Variants in RXRA observed in about 807,000 individuals in gnomAD.
The protein encoded by RXRA is retinoid X receptor alpha.
In RXRA, 5 loss-of-function variants were observed where a neutral mutation model predicts 44.5. The ratio of observed to expected loss-of-function variants is 0.11; its 90% CI spans 0.06 to 0.24. RXRA has a LOEUF of 0.24. Among genes scored for constraint, RXRA ranks in the 10% least tolerant of loss-of-function variants. The pLI is 1.00. For missense variants in RXRA, 412 were observed against 646.5 expected (o/e 0.64, Z 3.93); for synonymous variants, 291 against 271.4 (o/e 1.07, Z -0.71).
chr9:134,435,347 G>T (rs1831601151), intron 9 of RXRA, among the ~76,000 whole-genome samples: 1 of 152,062 alleles, frequency 6.6e-6, no homozygotes, highest in Non-Finnish European at 1.5e-5. Context: ...CTCATGCCTG[G>T]CCCTGCTATC....
At chr9:134,339,108 C>A (rs1176571574) in intron 1 of RXRA, among the ~76,000 whole-genome samples, 2 of 135,544 alleles carry the variant, frequency 1.5e-5, no homozygotes, top group Non-Finnish European at 3.2e-5. Flanking sequence ...GTGGTCACCC[C>A]CCCTGGGGTT....
chr9:134,406,394 GA>G (rs761124899), intron 2 of RXRA: 6,027 of 108,452 alleles, frequency 0.056, 162 homozygotes, highest in South Asian at 0.14. Context: ...CCCTGTTTCG[GA>G]AAAAAAAAAA....
rs1235295178 is a variant in RXRA at position 134,349,186 on chromosome 9, A to T, written c.28+22527A>T. Among the ~76,000 whole-genome samples, 5 of 152,154 alleles carry T rather than the reference A, an allele frequency of 3.3e-5. No individual in the cohort carries two copies. The highest frequency in any genetic ancestry group is 9.7e-5 in the African/African-American group (4 of 41,414). On this transcript the variant is annotated intron_variant, in intron 1 of 9. Coordinates refer to ENST00000481739, the MANE Select transcript of RXRA (RefSeq NM_002957.6). The surrounding 1 kb of genome is among the most constrained non-coding windows in gnomAD (Gnocchi z 4.3). ...GCCTGCACAGAGGGTCTTGCAGAAG[A>T]AGGGTCTGGCTGGGCCTGCAGACCC...
intron 1 of RXRA, among the ~76,000 whole-genome samples, chr9:134,330,558 C>T (rs1554746522): frequency 1.3e-5 from 2 of 152,332 alleles, no homozygotes; most frequent in African/African-American, 2.4e-5. Context: ...CCTTGCCCAC[C>T]TGCCTGTATG....
At position 134,434,212 on chromosome 9, in the gene RXRA, G is replaced by A; in HGVS notation, c.1241+5G>A. 1 of 1,599,508 alleles carries A rather than the reference G, an allele frequency of 6.3e-7. No homozygotes were observed. Among genetic ancestry groups the A allele is most frequent in the Non-Finnish European group, 8.6e-7 (1 of 1,167,318 alleles). ...GTACCCAGAGCAGCCGGGAAGGTGG[G>A]TCCCGCCCCGTCCCACACACACCCC... On this transcript the variant is annotated splice_donor_5th_base_variant and intron_variant, in intron 9 of 9. Coordinates refer to ENST00000481739, the MANE Select transcript of RXRA (RefSeq NM_002957.6).
chr9:134,335,244 C>T (rs1335145661), intron 1 of RXRA, among the ~76,000 whole-genome samples: 2 of 152,216 alleles, frequency 1.3e-5, no homozygotes, highest in African/African-American at 2.4e-5. Context: ...CTCTGAGTCA[C>T]AGGCTGTATG....
chr9:134,416,642 C>T (rs1254574473), intron 4 of RXRA, among the ~76,000 whole-genome samples: 1 of 151,946 alleles, frequency 6.6e-6, no homozygotes, highest in African/African-American at 2.4e-5. Flanking sequence ...TGAGCCTGTC[C>T]CTCCCCCGCC....
intron 1 of RXRA, among the ~76,000 whole-genome samples, chr9:134,333,980 A>C (rs1223598753): frequency 2.6e-5 from 4 of 152,218 alleles, no homozygotes; most frequent in African/African-American, 4.8e-5. Context: ...CCCTTGGTAC[A>C]GGGCTTGGGG....
At chr9:134,388,760 G>A (rs180855150) in intron 1 of RXRA, among the ~76,000 whole-genome samples, 238 of 152,276 alleles carry the variant, frequency 1.6e-3, no homozygotes, top group African/African-American at 5.6e-3. Context: ...GTCATCCTTC[G>A]ATGTCCTTCC....
At chr9:134,391,139 G>A (rs950718659) in intron 1 of RXRA, among the ~76,000 whole-genome samples, 3 of 152,150 alleles carry the variant, frequency 2.0e-5, no homozygotes, top group Non-Finnish European at 2.9e-5. Flanking sequence ...CAGAGAGGCC[G>A]GCCCCATGCC....
intron 1 of RXRA, among the ~76,000 whole-genome samples, chr9:134,370,350 A>G (rs1025452877): frequency 3.9e-5 from 6 of 152,136 alleles, no homozygotes; most frequent in African/African-American, 1.4e-4. Context: ...CACTGCTGGG[A>G]GCACGTCAGG....
At chr9:134,404,652 A>T (rs997960637) in intron 2 of RXRA, 6 of 152,548 alleles carry the variant, frequency 3.9e-5, no homozygotes, top group African/African-American at 1.4e-4. Context: ...CGCGAGGCTG[A>T]GCGGGCTTCA....
chr9:134,394,653 C>G (rs148613273), intron 1 of RXRA, among the ~76,000 whole-genome samples: 5 of 152,312 alleles, frequency 3.3e-5, no homozygotes, highest in Admixed American at 2.6e-4. Flanking sequence ...TGCACTTGCA[C>G]GCTACGTGCC....
chr9:134,361,216 G>A (rs1169221370), intron 1 of RXRA, among the ~76,000 whole-genome samples: 1 of 152,204 alleles, frequency 6.6e-6, no homozygotes, highest in African/African-American at 2.4e-5. Context: ...TTGGGCACTG[G>A]GTCTCGGAGC....
At chr9:134,412,817 G>A (rs185081370) in intron 4 of RXRA, among the ~76,000 whole-genome samples, 54 of 152,294 alleles carry the variant, frequency 3.5e-4, no homozygotes, top group African/African-American at 9.9e-4. Context: ...ACCCAGGGTC[G>A]TCGGGGGAGA....
Position 134,401,663 on chromosome 9 carries a change from C to T in RXRA, c.60C>T (p.Thr20=), listed in dbSNP as rs1372370274. ...CCACCCAGGTGAACTCCTCCCTCAC[C>T]TCCCCGACGGGGCGAGGCTCCATGG... ...DFSTQVNSSL[T]SPTGRGSMAA... The change falls in exon 2 of 10, where the codon ACC becomes ACT. Residue 20 remains threonine, a synonymous_variant. Transcript: ENST00000481739. 1 of 1,613,080 alleles carries T rather than the reference C, an allele frequency of 6.2e-7. No individual in the cohort carries two copies. Among genetic ancestry groups the T allele is most frequent in the Non-Finnish European group, 8.5e-7 (1 of 1,179,980 alleles).
intron 1 of RXRA, among the ~76,000 whole-genome samples, chr9:134,336,853 G>A (rs1554747374): frequency 6.6e-6 from 1 of 152,226 alleles, no homozygotes; most frequent in Admixed American, 6.5e-5. Context: ...ACCATGACTT[G>A]AATCCCCCTC....
At chr9:134,394,304 G>C (rs1321082335) in intron 1 of RXRA, among the ~76,000 whole-genome samples, 1 of 151,890 alleles carries the variant, frequency 6.6e-6, no homozygotes, top group East Asian at 1.9e-4. Flanking sequence ...GTCATTGCAC[G>C]CTCGCTGGAT....
At chr9:134,387,454 G>A (rs1588280088) in intron 1 of RXRA, among the ~76,000 whole-genome samples, 1 of 152,354 alleles carries the variant, frequency 6.6e-6, no homozygotes, top group Non-Finnish European at 1.5e-5. Context: ...TGCAAGCCTG[G>A]ACCATCTCGA....
Sources: gnomAD v4.1 joint callset for allele counts (sites outside exome capture counted in the v4.1 genomes callset) on GRCh38, gnomAD v4.1.1 for gene constraint, Gnocchi (gnomAD v3.1) non-coding constraint, MANE v1.5 for transcripts, NCBI Gene and HGNC (gene_info 2026-07-23, HGNC 2026-07-21) for gene names.